MBD3: variants seen among roughly 807,000 people sequenced by gnomAD.
MBD3 encodes the protein methyl-CpG binding domain protein 3.
A neutral mutation model predicts 31.2 loss-of-function variants in MBD3; 13 were observed. The observed-to-expected ratio is 0.42, with a 90% confidence interval of 0.27 to 0.66. The LOEUF (loss-of-function observed/expected upper bound fraction) is 0.66. Ranked by LOEUF, MBD3 falls within the 30% of genes least tolerant of loss-of-function variation. The pLI is 0.26. For missense variants in MBD3, 440 were observed against 426.5 expected, an observed-to-expected ratio of 1.03 and a Z score of -0.28; for synonymous variants, 223 against 187.4, an observed-to-expected ratio of 1.19 and a Z score of -1.55.
chr19:1,584,774 G>C (rs1419848249), intron 2 of MBD3, 97 bp from the exon 3 acceptor site: 2 of 1,304,542 alleles, frequency 1.5e-6, no homozygotes, highest in Non-Finnish European at 2.1e-6. Context: ...CTTTGCCGGC[G>C]CCCCTCGTGT....
chr19:1,585,144 T>G lies in MBD3; in HGVS notation c.181A>C (p.Thr61Pro). 6.2e-7 allele frequency: 1 copy of G among 1,611,374 alleles called. No individual in the cohort carries two copies. Among genetic ancestry groups the G allele is most frequent in the East Asian group, 2.2e-5 (1 of 44,832 alleles). Residue 61 changes from threonine to proline, a missense_variant, in exon 2 of 7, where the codon ACC (threonine) becomes CCC (proline). Around this residue, in one of 3 missense-constraint regions of MBD3, gnomAD observed 179 missense variants for 134.7 expected, o/e 1.33. Transcript: ENST00000434436. The surrounding 1 kb of genome is among the most constrained non-coding windows in gnomAD (Gnocchi z 4.1). ...ATCTTGCCCGTGCGGAAGTCGAAGGTGCTCAGGTCCATGGAGCCGCCCAGG... is the reference window on the plus strand; with the variant it reads ...ATCTTGCCCGTGCGGAAGTCGAAGGGGCTCAGGTCCATGGAGCCGCCCAGG... ...RYLGGSMDLS[T>P]FDFRTGKMLM... is the part of the protein sequence containing the mutation.
Position 1,574,872 on chromosome 19 carries a change from G to A in MBD3, c.*3292C>T, listed in dbSNP as rs190386370. On this transcript the variant is annotated 3_prime_UTR_variant, in exon 7 of 7. Coordinates refer to ENST00000434436, the MANE Select transcript of MBD3 (RefSeq NM_001281453.2). ...GCGAGTGTGTGCGGTGGTCAGAAGG[G>A]CTGTCCCTGTCTGCCTGGGTCTGGG... 13 of 245,312 alleles carry A rather than the reference G, an allele frequency of 5.3e-5. No individual in the cohort carries two copies. The highest frequency in any genetic ancestry group is 1.6e-4 in the Admixed American group (3 of 19,292). The allele number at this position is 245,312 out of a possible 1,614,324, so 15.2% of individuals were successfully genotyped here.
intron 3 of MBD3, among the ~76,000 whole-genome samples, chr19:1,583,566 TACA>T (rs1020143021): frequency 4.0e-5 from 6 of 151,270 alleles, no homozygotes; most frequent in Admixed American, 6.6e-5. Flanking sequence ...AATAAATAAA[TACA>T]ACAACTGGCC....
intron 3 of MBD3, 106 bp downstream of exon 3, chr19:1,584,434 C>T: frequency 6.6e-7 from 1 of 1,522,914 alleles, no homozygotes; most frequent in Non-Finnish European, 9.0e-7. Flanking sequence ...GCCTGGAACT[C>T]CTGCGCTCAC....
At position 1,578,242 on chromosome 19, in the gene MBD3, G is replaced by A; in HGVS notation, c.*6-84C>T. ...CTTCTAGGGAGATGGGAAGCTCTTG[G>A]GAGGCACCCGTCATCCCAAGCACAT... On this transcript the variant is annotated intron_variant, in intron 6 of 6. Transcript: ENST00000434436. The surrounding 1 kb of genome is among the most constrained non-coding windows in gnomAD (Gnocchi z 6.1). 1 of 1,569,948 alleles carries A rather than the reference G, an allele frequency of 6.4e-7. No homozygotes were observed. The highest frequency in any genetic ancestry group is 1.1e-5 in the South Asian group (1 of 89,528).
chr19:1,590,641 G>C (rs1357035302), intron 1 of MBD3, among the ~76,000 whole-genome samples: 1 of 152,192 alleles, frequency 6.6e-6, no homozygotes, highest in Non-Finnish European at 1.5e-5. Context: ...AGCTTTTGTG[G>C]AATGTGAATT....
At chr19:1,592,462 G>C in intron 1 of MBD3, 60 bp downstream of exon 1, 6 of 917,546 alleles carry the variant, frequency 6.5e-6, no homozygotes, top group Non-Finnish European at 6.0e-6. Context: ...CGCCGAGGCC[G>C]CCGCAGAGGC....
rs2060711332 is a variant in MBD3 at position 1,592,661 on chromosome 19, C to CCCGCCGCCGCCGCCCGGACCCCCACTCG, written c.-58_-31dup. Reference sequence around the variant, plus strand: ...CCCGGCTCCTCGGCCCGCCGCCGGGCCCGCCGCCGCCGCCCGGACCCCCAC... The same window carrying CCCGCCGCCGCCGCCCGGACCCCCACTCG: ...CCCGGCTCCTCGGCCCGCCGCCGGGCCCGCCGCCGCCGCCCGGACCCCCACTCGCCGCCGCCGCCGCCCGGACCCCCAC... On this transcript the variant is annotated 5_prime_UTR_variant, in exon 1 of 7. Transcript: ENST00000434436. The CCCGCCGCCGCCGCCCGGACCCCCACTCG allele has an allele frequency of 2.0e-6, 2 of 1,016,448 alleles. No homozygotes were observed. Among genetic ancestry groups the CCCGCCGCCGCCGCCCGGACCCCCACTCG allele is most frequent in the South Asian group, 4.6e-5 (2 of 43,922 alleles). 63.0% of individuals were successfully genotyped at this position (1,016,448 alleles called of 1,614,324 possible). A position where few individuals can be genotyped will look rare whatever the true frequency, so the allele number is the denominator to read the frequency against.
intron 5 of MBD3, among the ~76,000 whole-genome samples, chr19:1,580,506 G>A (rs956426448): frequency 1.3e-5 from 2 of 152,214 alleles, no homozygotes; most frequent in Non-Finnish European, 2.9e-5. Flanking sequence ...TGCACTGAAC[G>A]TGAAAGGTCC....
Position 1,577,288 on chromosome 19 carries a change from G to A in MBD3, c.*876C>T, listed in dbSNP as rs1917222225. ...GGAGCAGATCCCTCAGACGGCCTTG[G>A]GCCAGAAGCTCCCTGGAGAGCTGGG... On this transcript the variant is annotated 3_prime_UTR_variant, in exon 7 of 7. Transcript: ENST00000434436. The A allele has an allele frequency of 6.6e-6, 1 of 152,268 alleles. No individual in the cohort carries two copies. The highest frequency in any genetic ancestry group is 2.4e-5 in the African/African-American group (1 of 41,450). 9.4% of individuals were successfully genotyped at this position (152,268 alleles called of 1,614,324 possible). A position where few individuals can be genotyped will look rare whatever the true frequency, so the allele number is the denominator to read the frequency against.
Position 1,577,748 on chromosome 19 carries a change from T to G in MBD3, c.*416A>C, listed in dbSNP as rs1917238067. ...CAGTGGGTGATGTGAGTTTCAAAAC[T>G]ACGCCTCCAGACCGAGAAACCCTCC... On this transcript the variant is annotated 3_prime_UTR_variant, in exon 7 of 7. Coordinates refer to ENST00000434436, the MANE Select transcript of MBD3 (RefSeq NM_001281453.2). 1 of 167,046 alleles carries G rather than the reference T, an allele frequency of 6.0e-6. No individual in the cohort carries two copies. 10.3% of individuals were successfully genotyped at this position (167,046 alleles called of 1,614,324 possible).
chr19:1,580,496 T>C (rs369161020), intron 5 of MBD3, among the ~76,000 whole-genome samples: 2 of 152,268 alleles, frequency 1.3e-5, no homozygotes, highest in African/African-American at 4.8e-5. Flanking sequence ...AGCCGTGTGC[T>C]GCACTGAACG....
intron 3 of MBD3, 67 bp from the exon 4 acceptor site, chr19:1,582,779 G>A: frequency 1.4e-6 from 2 of 1,472,178 alleles, no homozygotes; most frequent in East Asian, 4.8e-5. Context: ...GTCCTTGCTG[G>A]GCTCCAGGGA....
Position 1,578,766 on chromosome 19 carries a change from C to A in MBD3, c.678-228G>T, listed in dbSNP as rs1240756150. Reference sequence around the variant, plus strand: ...GCCACCCTCCCAGATGGCCCCCCTGCCACCTCTACTGGGACCAAGGGAGGG... The same window carrying A: ...GCCACCCTCCCAGATGGCCCCCCTGACACCTCTACTGGGACCAAGGGAGGG... On this transcript the variant is annotated intron_variant, in intron 5 of 6. Coordinates refer to ENST00000434436, the MANE Select transcript of MBD3 (RefSeq NM_001281453.2). The surrounding 1 kb of genome is among the most constrained non-coding windows in gnomAD (Gnocchi z 6.1). Among the ~76,000 whole-genome samples, 1 of 152,194 alleles carries A rather than the reference C, an allele frequency of 6.6e-6. No individual in the cohort carries two copies.
At chr19:1,589,964 G>A (rs1029706046) in intron 1 of MBD3, among the ~76,000 whole-genome samples, 2 of 152,174 alleles carry the variant, frequency 1.3e-5, no homozygotes, top group Non-Finnish European at 2.9e-5. Context: ...TGATGAGAAT[G>A]TTCTGGAATT....
Position 1,584,691 on chromosome 19 carries a change from G to T in MBD3, c.271-14C>A, listed in dbSNP as rs779339965. 3.1e-5 allele frequency: 50 copies of T among 1,608,692 alleles called. No individual in the cohort carries two copies. Among genetic ancestry groups the T allele is most frequent in the Non-Finnish European group, 4.2e-5 (49 of 1,179,254 alleles). ...GTCGGGCTTGCCCTGCGGGAGGAAGGATATGCAGTCCGGCCTGGGGGCGCC... is the reference window on the plus strand; with the variant it reads ...GTCGGGCTTGCCCTGCGGGAGGAAGTATATGCAGTCCGGCCTGGGGGCGCC... On this transcript the variant is annotated splice_polypyrimidine_tract_variant and intron_variant, in intron 2 of 6. Coordinates refer to ENST00000434436, the MANE Select transcript of MBD3 (RefSeq NM_001281453.2).
At chr19:1,581,962 T>A (rs1599342066) in intron 4 of MBD3, among the ~76,000 whole-genome samples, 1 of 151,870 alleles carries the variant, frequency 6.6e-6, no homozygotes, top group Non-Finnish European at 1.5e-5. Context: ...AGAGACAGGG[T>A]TTCACCATGT....
rs2060673156 is a variant in MBD3 at position 1,585,170 on chromosome 19, T to A, written c.155A>T (p.Tyr52Phe). 6.2e-7 allele frequency: 1 copy of A among 1,608,600 alleles called. No individual in the cohort carries two copies. The highest frequency in any genetic ancestry group is 1.3e-5 in the African/African-American group (1 of 75,010). The change falls in exon 2 of 7, where the codon TAC (tyrosine) becomes TTC (phenylalanine). Residue 52 changes from tyrosine (Y) to phenylalanine (F), a missense_variant. Tyr to Phe is a conservative substitution (Grantham distance 22, BLOSUM62 3). Around this residue, in one of 3 missense-constraint regions of MBD3, gnomAD observed 179 missense variants for 134.7 expected, o/e 1.33. Coordinates refer to ENST00000434436, the MANE Select transcript of MBD3 (RefSeq NM_001281453.2). This position sits in a 1 kb window ranked among gnomAD's most constrained non-coding sequence, Gnocchi z 4.1. ...KFRSKPQLAR[Y>F]LGGSMDLSTF... Reference sequence around the variant, plus strand: ...GCTCAGGTCCATGGAGCCGCCCAGGTAGCGCGCCAGCTGCGGCTTGCTGCG... The same window carrying A: ...GCTCAGGTCCATGGAGCCGCCCAGGAAGCGCGCCAGCTGCGGCTTGCTGCG...
intron 3 of MBD3, 47 bp from the exon 4 acceptor site, chr19:1,582,759 C>T (rs1297429246): frequency 6.5e-7 from 1 of 1,537,888 alleles, no homozygotes; most frequent in East Asian, 2.3e-5. Flanking sequence ...CTGCCCTCTC[C>T]CCACTCCAGG....
Sources: gnomAD v4.1 joint callset for allele counts (sites outside exome capture counted in the v4.1 genomes callset) on GRCh38, gnomAD v4.1.1 for gene constraint, gnomAD v4.1.1 regional missense constraint, Gnocchi (gnomAD v3.1) non-coding constraint, MANE v1.5 for transcripts, NCBI Gene and HGNC (gene_info 2026-07-23, HGNC 2026-07-21) for gene names.